The following OPA1 variants were observed in gnomAD, a reference collection of about 807,000 sequenced individuals.
The protein encoded by OPA1 is dynamin-like GTPase OPA1, mitochondrial.
OPA1 carries 59 observed loss-of-function variants against 152.9 expected under a neutral mutation model. The observed-to-expected ratio is 0.39, with a 90% CI of 0.31 to 0.48. The LOEUF (loss-of-function observed/expected upper bound fraction) is 0.48, where lower values mean the gene tolerates loss of function less well. OPA1 is among the 20% of genes least tolerant of loss of function. The pLI is 0.96. For synonymous variants in OPA1, 400 were observed against 389.9 expected, an observed-to-expected ratio of 1.03 and a Z score of -0.31; for missense variants, 1,008 against 1,216.8, an observed-to-expected ratio of 0.83 and a Z score of 2.55.
intron 10 of OPA1, 140 bp from the exon 11 acceptor site, chr3:193,637,812 T>A: frequency 1.4e-6 from 1 of 740,116 alleles, no homozygotes; most frequent in Non-Finnish European, 2.4e-6. Flanking sequence ...TCAATCACCA[T>A]TTTTTTACGG....
chr3:193,593,965 G>A (rs934052466), intron 1 of OPA1, among the ~76,000 whole-genome samples: 25 of 152,106 alleles, frequency 1.6e-4, no homozygotes, highest in African/African-American at 6.0e-4. Context: ...CGGTGTCAGA[G>A]ACGGTGATTC....
chr3:193,611,919 G>T (rs534251856), intron 1 of OPA1, among the ~76,000 whole-genome samples: 1 of 152,024 alleles, frequency 6.6e-6, no homozygotes, highest in Non-Finnish European at 1.5e-5. Context: ...AATGTTAAAA[G>T]GTTTTCAGCG....
chr3:193,596,163 C>T (rs281800), intron 1 of OPA1, among the ~76,000 whole-genome samples: 2 of 148,182 alleles, frequency 1.3e-5, no homozygotes, highest in African/African-American at 5.0e-5. Context: ...TACCACAGCT[C>T]TGCATCACTT....
intron 20 of OPA1, 132 bp downstream of exon 20, chr3:193,648,266 A>G (rs1711539272): frequency 1.5e-6 from 1 of 678,126 alleles, no homozygotes; most frequent in Non-Finnish European, 2.7e-6. Context: ...ATTTGTAAGA[A>G]TACATCTCTA....
chr3:193,649,581 G>A (rs1390432691), intron 21 of OPA1, among the ~76,000 whole-genome samples: 1 of 152,150 alleles, frequency 6.6e-6, no homozygotes, highest in African/African-American at 2.4e-5. Flanking sequence ...TTGGAGCAGA[G>A]CTATCCTCAC....
intron 6 of OPA1, among the ~76,000 whole-genome samples, chr3:193,624,776 A>G (rs531546179): frequency 5.5e-4 from 83 of 152,250 alleles, no homozygotes; most frequent in African/African-American, 1.9e-3. Flanking sequence ...AATACTGGCA[A>G]TGAACACAGC....
intron 1 of OPA1, among the ~76,000 whole-genome samples, chr3:193,602,207 A>G (rs1726572231): frequency 6.6e-6 from 1 of 152,152 alleles, no homozygotes; most frequent in African/African-American, 2.4e-5. Context: ...ACGGGTATAT[A>G]GTACCAGGAG....
At chr3:193,596,197 CTTTTTTTTTT>C (rs558965633) in intron 1 of OPA1, among the ~76,000 whole-genome samples, 2 of 106,562 alleles carry the variant, frequency 1.9e-5, no homozygotes, top group Non-Finnish European at 3.7e-5. Flanking sequence ...TGTTTTTCAC[CTTTTTTTTTT>C]TTTTTTTTTT....
chr3:193,613,781 T>C (rs758506957), intron 1 of OPA1, among the ~76,000 whole-genome samples: 2 of 152,168 alleles, frequency 1.3e-5, no homozygotes, highest in Non-Finnish European at 2.9e-5. Flanking sequence ...TTTCACCATG[T>C]TGGCCAGGCT....
chr3:193,658,756 A>T, intron 23 of OPA1, 131 bp from the exon 24 acceptor site: 1 of 675,664 alleles, frequency 1.5e-6, no homozygotes, highest in Non-Finnish European at 2.7e-6. Context: ...TTTTTATAGG[A>T]AGGATATATT....
At position 193,617,803 on chromosome 3, in the gene OPA1, A is replaced by AGT. The variant is rs1321465681; in HGVS notation, c.577_578dup (p.Ile194SerfsTer2). The AGT allele has an allele frequency of 6.2e-7, 1 of 1,612,964 alleles. No individual in the cohort carries two copies. The highest frequency in any genetic ancestry group is 2.2e-5 in the East Asian group (1 of 44,770). On this transcript the variant is annotated frameshift_variant, in exon 5 of 31. Transcript: ENST00000361510. LOFTEE classifies it high-confidence loss of function. ...TCACAGGTCACAAATTGGTTAGTGA[A>AGT]GTCATAGGAGCTTCTGACCTACTTC...
At chr3:193,661,161 G>C (rs763467234) in intron 25 of OPA1, among the ~76,000 whole-genome samples, 4 of 152,178 alleles carry the variant, frequency 2.6e-5, no homozygotes, top group Non-Finnish European at 5.9e-5. Flanking sequence ...AAAGGAATTT[G>C]CTTTAAAGTC....
chr3:193,679,301 AAGAG>A (rs1719746280), intron 29 of OPA1, among the ~76,000 whole-genome samples: 1 of 152,026 alleles, frequency 6.6e-6, no homozygotes, highest in South Asian at 2.1e-4. Flanking sequence ...CTCATAAAGA[AAGAG>A]AAAGAGAGGG....
At chr3:193,651,971 TAAAG>T (rs1712589907) in intron 21 of OPA1, among the ~76,000 whole-genome samples, 1 of 152,174 alleles carries the variant, frequency 6.6e-6, no homozygotes, top group Non-Finnish European at 1.5e-5. Context: ...TTTCTGTAGA[TAAAG>T]AAGGCAATAA....
rs771266985 is a variant in OPA1 at position 193,671,551 on chromosome 3, G to A, written c.2983+4271G>A. ...AGTTAGTGATATTTGAAGGGGATCC[G>A]AGGGTTCCATTGTAGTAATATATCA... On this transcript the variant is annotated intron_variant, in intron 29 of 30. Transcript: ENST00000361510. 3.9e-5 allele frequency among the ~76,000 whole-genome samples: 6 copies of A among 152,122 alleles called. No individual in the cohort carries two copies. In the East Asian group the frequency reaches 5.8e-4, roughly 15 times the overall value.
Position 193,668,575 on chromosome 3 carries a change from GGA to G in OPA1, c.2983+1298_2983+1299del, listed in dbSNP as rs1409488367. ...ACCTGAAGCCAGACCATGCCTTTGTGGAGATACCCTCTTTACCCTGCCTGTGC... is the reference window on the plus strand; with the variant it reads ...ACCTGAAGCCAGACCATGCCTTTGTGGATACCCTCTTTACCCTGCCTGTGC... On this transcript the variant is annotated intron_variant, in intron 29 of 30. Transcript: ENST00000361510. 3 of 1,544,830 alleles carry G rather than the reference GGA, an allele frequency of 1.9e-6. No individual in the cohort carries two copies. In the African/African-American group the frequency reaches 4.1e-5, roughly 21 times the overall value.
At chr3:193,605,538 G>A (rs184212341) in intron 1 of OPA1, among the ~76,000 whole-genome samples, 8 of 152,312 alleles carry the variant, frequency 5.3e-5, no homozygotes, top group Admixed American at 4.6e-4. Context: ...TCCTATATCA[G>A]TTGGGAAGAG....
At chr3:193,624,501 G>A (rs1274028796) in intron 6 of OPA1, among the ~76,000 whole-genome samples, 2 of 152,020 alleles carry the variant, frequency 1.3e-5, no homozygotes, top group East Asian at 1.9e-4. Flanking sequence ...AAATAAATCA[G>A]GTTACTCTTC....
At chr3:193,666,122 A>G (rs1038480528) in intron 27 of OPA1, among the ~76,000 whole-genome samples, 174 bp from the exon 28 acceptor site, 2 of 152,216 alleles carry the variant, frequency 1.3e-5, no homozygotes, top group East Asian at 1.9e-4. Context: ...GCAGAATTTC[A>G]TGGCTCCGTA....
Sources: gnomAD v4.1 joint callset for allele counts (sites outside exome capture counted in the v4.1 genomes callset) on GRCh38, gnomAD v4.1.1 for gene constraint, MANE v1.5 for transcripts, NCBI Gene and HGNC (gene_info 2026-07-23, HGNC 2026-07-21) for gene names.